PDE10A: variants seen among roughly 807,000 people sequenced by gnomAD.
PDE10A encodes the protein phosphodiesterase 10A, also known as cAMP and cAMP-inhibited cGMP 3',5'-cyclic phosphodiesterase 10A.
Under a neutral mutation model 97.7 loss-of-function variants are expected in PDE10A, and 39 were observed. That is an observed-to-expected ratio of 0.40 (90% CI 0.31 to 0.52). The LOEUF is 0.52. PDE10A is among the 20% of genes least tolerant of loss of function. PDE10A has a pLI of 0.56. For missense variants in PDE10A, 731 were observed against 1,047.8 expected (o/e 0.70, Z 4.17); for synonymous variants, 371 against 376.8 (o/e 0.98, Z 0.18).
chr6:165,455,838 G>A (rs78871173), intron 3 of PDE10A, among the ~76,000 whole-genome samples: 15,337 of 152,206 alleles, frequency 0.1, 934 homozygotes, highest in Middle Eastern at 0.19. Context: ...TTGCTAAAAT[G>A]TAATCTTAAC....
intron 18 of PDE10A, among the ~76,000 whole-genome samples, chr6:165,362,486 A>T (rs1309645964): frequency 6.6e-6 from 1 of 152,194 alleles, no homozygotes; most frequent in Non-Finnish European, 1.5e-5. Context: ...TTCTAGAAAG[A>T]CACAAGTGAC....
rs552841388 is a variant in PDE10A at position 165,841,648 on chromosome 6, A to G, written c.-615+145881T>C. On this transcript the variant is annotated intron_variant, in intron 1 of 19. Transcript: ENST00000366882. ...TAAGTCGTCACTGTGGTTGGTGGGC[A>G]CTTGCTAGTGTCATCCTGGCTCTGG... 2.6e-5 allele frequency among the ~76,000 whole-genome samples: 4 copies of G among 152,348 alleles called. No individual in the cohort carries two copies. The East Asian group carries it at 7.7e-4, about 29-fold the overall frequency.
chr6:165,525,514 C>T (rs990241903), intron 2 of PDE10A, among the ~76,000 whole-genome samples: 2 of 151,988 alleles, frequency 1.3e-5, no homozygotes, highest in African/African-American at 4.8e-5. Context: ...GTGGATTAGA[C>T]ACTTTAGACC....
At chr6:165,693,543 A>AAAG (rs1280943595) in intron 1 of PDE10A, among the ~76,000 whole-genome samples, 1 of 150,988 alleles carries the variant, frequency 6.6e-6, no homozygotes, top group African/African-American at 2.4e-5. Flanking sequence ...AAAAAAAAAA[A>AAAG]AAAAAAAAAC....
At chr6:165,563,667 G>C (rs761473715) in intron 1 of PDE10A, among the ~76,000 whole-genome samples, 1 of 151,992 alleles carries the variant, frequency 6.6e-6, no homozygotes, top group African/African-American at 2.4e-5. Flanking sequence ...AGGCAGGCCC[G>C]ATCACTTGAG....
intron 1 of PDE10A, among the ~76,000 whole-genome samples, chr6:165,557,054 G>A (rs112420041): frequency 3.9e-5 from 6 of 152,138 alleles, no homozygotes; most frequent in African/African-American, 7.2e-5. Context: ...CAGAAGAATC[G>A]CTTGAACCCA....
intron 1 of PDE10A, among the ~76,000 whole-genome samples, chr6:165,622,196 G>T (rs1181860335): frequency 1.3e-5 from 2 of 152,110 alleles, no homozygotes; most frequent in Non-Finnish European, 2.9e-5. Context: ...AGACTTGCTG[G>T]CCTCCTCAAC....
At chr6:165,684,211 G>A (rs1441709398) in intron 1 of PDE10A, among the ~76,000 whole-genome samples, 1 of 151,940 alleles carries the variant, frequency 6.6e-6, no homozygotes, top group Non-Finnish European at 1.5e-5. Context: ...TACTTCCTTG[G>A]TCTCCTCTCG....
At chr6:165,718,907 A>G (rs1273727655) in intron 1 of PDE10A, among the ~76,000 whole-genome samples, 1 of 152,142 alleles carries the variant, frequency 6.6e-6, no homozygotes, top group Non-Finnish European at 1.5e-5. Context: ...TACAGGGAGG[A>G]AAAAAAAGTT....
chr6:165,379,298 G>C lies in PDE10A; in HGVS notation c.2679C>G (p.Arg893=). 6.2e-7 allele frequency: 1 copy of C among 1,613,708 alleles called. No individual in the cohort carries two copies. The change falls in exon 18 of 22, where the codon CGC becomes CGG. Residue 893 remains arginine (R), a synonymous_variant. Transcript: ENST00000539869. The stretch of plus-strand genomic sequence containing the variant: ...CAAGGTCTGTGGCAATGATGGCTTT[G>C]CGGATGATCTCAAGCACCTGCTCAT... ...SEYEQVLEII[R]KAIIATDLAL...
At chr6:165,889,469 T>C (rs936342822) in intron 1 of PDE10A, among the ~76,000 whole-genome samples, 1 of 152,164 alleles carries the variant, frequency 6.6e-6, no homozygotes, top group South Asian at 2.1e-4. Flanking sequence ...TGCCACACCA[T>C]TGGGTTCACG....
At chr6:165,946,527 GA>G (rs1562811912) in intron 1 of PDE10A, among the ~76,000 whole-genome samples, 1 of 150,916 alleles carries the variant, frequency 6.6e-6, no homozygotes, top group African/African-American at 2.4e-5. Flanking sequence ...AAAGAAAAAG[GA>G]AAAAAGAATA....
At chr6:165,344,369 A>T (rs1782170507) in intron 18 of PDE10A, among the ~76,000 whole-genome samples, 1 of 152,250 alleles carries the variant, frequency 6.6e-6, no homozygotes, top group Non-Finnish European at 1.5e-5. Context: ...TGTAAAGCAA[A>T]TTATATAATT....
chr6:165,647,861 C>T (rs1789482153), intron 1 of PDE10A, among the ~76,000 whole-genome samples: 1 of 152,122 alleles, frequency 6.6e-6, no homozygotes, highest in Non-Finnish European at 1.5e-5. Flanking sequence ...ATTGCAAACA[C>T]TTGCTATATA....
At chr6:165,771,103 G>C (rs1419987737) in intron 1 of PDE10A, among the ~76,000 whole-genome samples, 3 of 152,312 alleles carry the variant, frequency 2.0e-5, no homozygotes, top group Non-Finnish European at 4.4e-5. Context: ...ATTTTTATGT[G>C]TTGTGCCTTG....
intron 1 of PDE10A, among the ~76,000 whole-genome samples, chr6:165,894,059 A>C (rs1201159874): frequency 6.6e-6 from 1 of 152,176 alleles, no homozygotes; most frequent in East Asian, 1.9e-4. Context: ...CATGTCCATC[A>C]AGGACCAACT....
chr6:165,520,977 G>T (rs561640442), intron 2 of PDE10A, among the ~76,000 whole-genome samples: 13 of 151,326 alleles, frequency 8.6e-5, no homozygotes, highest in African/African-American at 2.2e-4. Flanking sequence ...AGATACTATG[G>T]TTTTTTTTTA....
chr6:165,943,235 G>GA (rs1583319686), intron 1 of PDE10A, among the ~76,000 whole-genome samples: 51 of 51,782 alleles, frequency 9.8e-4, no homozygotes, highest in East Asian at 4.5e-3. Context: ...AAGAAAGAAA[G>GA]AAGGAAGGAA....
chr6:165,449,404 A>C (rs16897883), intron 4 of PDE10A, among the ~76,000 whole-genome samples: 13,735 of 152,256 alleles, frequency 0.09, 708 homozygotes, highest in East Asian at 0.19. Flanking sequence ...TTGTCACTGA[A>C]GCAAACATAA....
Sources: allele counts gnomAD v4.1 joint callset (sites outside exome capture counted in the v4.1 genomes callset), GRCh38; gene constraint gnomAD v4.1.1; transcripts MANE v1.5; gene names NCBI Gene and HGNC (gene_info 2026-07-23, HGNC 2026-07-21).